Variants in NCAM1 observed in about 807,000 individuals in gnomAD.
NCAM1 encodes the protein neural cell adhesion molecule 1.
NCAM1 carries 14 observed loss-of-function variants against 109.8 expected under a neutral mutation model. That is an observed-to-expected ratio of 0.13 (90% CI 0.08 to 0.20). The LOEUF is 0.20. Ranked by LOEUF, NCAM1 falls within the 10% of genes least tolerant of loss-of-function variation. The pLI, the probability that NCAM1 is intolerant of heterozygous loss-of-function variation, is 1.00. For missense variants in NCAM1, 774 were observed against 1,109.9 expected (o/e 0.70, Z 4.30); for synonymous variants, 418 against 442.9 (o/e 0.94, Z 0.70).
In NCAM1 at chr11:113,218,780, G is replaced by T. The variant is rs149906024; in HGVS notation, c.1060-2516G>T. ...TCGAGATCATTAAGGTAGATCAGCTGTCCAAAAGTTGATGCATTTCCTAGT... is the reference window on the plus strand; with the variant it reads ...TCGAGATCATTAAGGTAGATCAGCTTTCCAAAAGTTGATGCATTTCCTAGT... On this transcript the variant is annotated intron_variant, in intron 8 of 19. Coordinates refer to ENST00000316851, the MANE Select transcript of NCAM1 (RefSeq NM_181351.5). Among the ~76,000 whole-genome samples, 25 of 152,296 alleles carry T rather than the reference G, an allele frequency of 1.6e-4. 1 individual carries two copies. The East Asian group carries it at 4.8e-3, about 29-fold the overall frequency.
intron 10 of NCAM1, 52 bp from the exon 11 acceptor site, chr11:113,232,118 G>C: frequency 6.7e-7 from 1 of 1,496,236 alleles, no homozygotes; most frequent in Non-Finnish European, 9.0e-7. Flanking sequence ...ACAGGATATG[G>C]GGGCTTCATA....
chr11:113,048,067 C>T (rs1953335080), intron 1 of NCAM1, among the ~76,000 whole-genome samples: 1 of 152,124 alleles, frequency 6.6e-6, no homozygotes, highest in African/African-American at 2.4e-5. Context: ...CTTCAGGTTC[C>T]ATGTCTGGAA....
intron 1 of NCAM1, among the ~76,000 whole-genome samples, chr11:113,187,010 T>G (rs1943527998): frequency 6.6e-6 from 1 of 152,244 alleles, no homozygotes; most frequent in Non-Finnish European, 1.5e-5. Context: ...CCTTCTCAAC[T>G]GAAGTTCTTA....
At chr11:113,258,717 AC>A (rs1213363940) in intron 16 of NCAM1, among the ~76,000 whole-genome samples, 3 of 152,258 alleles carry the variant, frequency 2.0e-5, no homozygotes, top group Non-Finnish European at 4.4e-5. Context: ...CTTGATCTTT[AC>A]AAATTAAGTG....
At chr11:112,973,433 C>T (rs896637837) in intron 1 of NCAM1, among the ~76,000 whole-genome samples, 2 of 152,094 alleles carry the variant, frequency 1.3e-5, no homozygotes, top group African/African-American at 4.8e-5. Context: ...GGTTTGGGTA[C>T]ATAATTATAA....
chr11:113,150,089 T>C (rs1321816802), intron 1 of NCAM1, among the ~76,000 whole-genome samples: 1 of 152,030 alleles, frequency 6.6e-6, no homozygotes, highest in Non-Finnish European at 1.5e-5. Flanking sequence ...GAAAGGAAAA[T>C]GAATACAAAG....
rs10562516 is a variant in NCAM1 at position 113,169,036 on chromosome 11, C to CTGTG, written c.53-33311_53-33308dup. On this transcript the variant is annotated intron_variant, in intron 1 of 19. Transcript: ENST00000316851. ...GAGAAGATCCTCTCTCTTCCTCTTTCTGTGTGTGTGTGTGTGTGTGTGTGT... is the reference window on the plus strand; with the variant it reads ...GAGAAGATCCTCTCTCTTCCTCTTTCTGTGTGTGTGTGTGTGTGTGTGTGTGTGT... 3.4e-3 allele frequency among the ~76,000 whole-genome samples: 504 copies of CTGTG among 146,870 alleles called. 3 individuals carry two copies. The highest frequency in any genetic ancestry group is 7.3e-3 in the African/African-American group (293 of 39,886).
intron 15 of NCAM1, among the ~76,000 whole-genome samples, chr11:113,247,801 C>G (rs1945546884): frequency 6.6e-6 from 1 of 152,218 alleles, no homozygotes; most frequent in African/African-American, 2.4e-5. Flanking sequence ...AGAATATAGA[C>G]AGCTTAAGAT....
At chr11:113,033,566 A>C (rs987699976) in intron 1 of NCAM1, among the ~76,000 whole-genome samples, 5 of 152,236 alleles carry the variant, frequency 3.3e-5, no homozygotes, top group Admixed American at 3.3e-4. Flanking sequence ...CAAAGAGAAT[A>C]GTGGCTATTC....
At position 113,273,036 on chromosome 11, in the gene NCAM1, A is replaced by G; in HGVS notation, c.2456+1160A>G. On this transcript the variant is annotated intron_variant, in intron 19 of 19. Transcript: ENST00000316851. This position sits in a 1 kb window ranked among gnomAD's most constrained non-coding sequence, Gnocchi z 6.0. ...CACCGAAACCTTTGCCACTGCTCAG[A>G]ACAGCCCCACCAGTGAGACCACCAC... The G allele has an allele frequency of 6.6e-6, 3 of 456,594 alleles. No homozygotes were observed. The highest frequency in any genetic ancestry group is 4.6e-5 in the South Asian group (3 of 64,538). 28.3% of individuals were successfully genotyped at this position (456,594 alleles called of 1,614,324 possible). A position where few individuals can be genotyped will look rare whatever the true frequency, so the allele number is the denominator to read the frequency against.
intron 1 of NCAM1, among the ~76,000 whole-genome samples, chr11:113,071,421 A>ATTTTT (rs66821824): frequency 1.0e-4 from 13 of 127,658 alleles, no homozygotes; most frequent in Admixed American, 4.1e-4. Context: ...TGTTGGTTGG[A>ATTTTT]TTTTTTTTTT....
intron 1 of NCAM1, among the ~76,000 whole-genome samples, chr11:113,200,816 A>G (rs1944031187): frequency 6.6e-6 from 1 of 152,118 alleles, no homozygotes; most frequent in Admixed American, 6.5e-5. Flanking sequence ...TGCTGCGACC[A>G]CATTCAGGAG....
At chr11:113,071,797 T>C (rs1217609611) in intron 1 of NCAM1, among the ~76,000 whole-genome samples, 1 of 152,186 alleles carries the variant, frequency 6.6e-6, no homozygotes, top group Admixed American at 6.5e-5. Flanking sequence ...TTGTTGGCGG[T>C]AGGCAAACTG....
intron 1 of NCAM1, among the ~76,000 whole-genome samples, chr11:113,004,313 T>C (rs782025940): frequency 6.6e-6 from 1 of 152,038 alleles, no homozygotes; most frequent in Non-Finnish European, 1.5e-5. Flanking sequence ...GCCAAGATGG[T>C]GAAACCCTGT....
At chr11:113,043,825 C>T (rs750429767) in intron 1 of NCAM1, among the ~76,000 whole-genome samples, 5 of 152,186 alleles carry the variant, frequency 3.3e-5, no homozygotes, top group African/African-American at 1.2e-4. Flanking sequence ...ACCTGCAGGG[C>T]CCCCGCCTGA....
chr11:113,237,929 GATAT>G (rs1224815154), intron 14 of NCAM1, among the ~76,000 whole-genome samples: 3 of 18,418 alleles, frequency 1.6e-4, no homozygotes, highest in Non-Finnish European at 3.3e-4. Context: ...TATAGATATA[GATAT>G]ATAGATATAT....
intron 1 of NCAM1, among the ~76,000 whole-genome samples, chr11:113,018,272 G>A (rs1000533241): frequency 6.7e-6 from 1 of 149,940 alleles, no homozygotes; most frequent in African/African-American, 2.4e-5. Context: ...TCACTTTATT[G>A]TGTAACAGCC....
At chr11:113,094,769 G>A (rs1305737435) in intron 1 of NCAM1, among the ~76,000 whole-genome samples, 1 of 152,168 alleles carries the variant, frequency 6.6e-6, no homozygotes, top group Admixed American at 6.5e-5. Flanking sequence ...ATCTGAATTG[G>A]AATTAAGGGA....
At chr11:113,141,426 T>G (rs1296710988) in intron 1 of NCAM1, among the ~76,000 whole-genome samples, 1 of 152,132 alleles carries the variant, frequency 6.6e-6, no homozygotes, top group Non-Finnish European at 1.5e-5. Flanking sequence ...GGTCAGGAGA[T>G]CGAGACCATC....
Sources: allele counts gnomAD v4.1 joint callset (sites outside exome capture counted in the v4.1 genomes callset), GRCh38; gene constraint gnomAD v4.1.1; non-coding constraint Gnocchi (gnomAD v3.1); transcripts MANE v1.5; gene names NCBI Gene and HGNC (gene_info 2026-07-23, HGNC 2026-07-21).